CNTNAP5: variants seen among roughly 807,000 people sequenced by gnomAD.
CNTNAP5 encodes contactin associated protein family member 5, also known as contactin-associated protein-like 5.
A neutral mutation model predicts 150.2 loss-of-function variants in CNTNAP5; 72 were observed. That is an observed-to-expected ratio of 0.48 (90% CI 0.40 to 0.58). The LOEUF is 0.58. Among genes scored for constraint, CNTNAP5 ranks in the 20% least tolerant of loss-of-function variants. The probability of loss-of-function intolerance (pLI) is 0.00; values close to 1 mark genes in which losing one functional copy is unlikely to be tolerated. For missense variants in CNTNAP5, 1,636 were observed against 1,626.2 expected (o/e 1.01, Z -0.10); for synonymous variants, 672 against 619.8 (o/e 1.08, Z -1.25).
chr2:124,313,319 A>G, intron 3 of CNTNAP5, among the ~76,000 whole-genome samples: 1 of 152,180 alleles, frequency 6.6e-6, no homozygotes, highest in South Asian at 2.1e-4. Context: ...CAATCATTAA[A>G]TGTATTTGTA....
intron 19 of CNTNAP5, among the ~76,000 whole-genome samples, chr2:124,828,262 A>T (rs144811724): frequency 0.013 from 1,913 of 152,266 alleles, 44 homozygotes; most frequent in African/African-American, 0.043. Context: ...CGGGCGGATC[A>T]CGAGGTCAGG....
chr2:124,264,821 C>T (rs1687563318), intron 3 of CNTNAP5, among the ~76,000 whole-genome samples: 1 of 152,216 alleles, frequency 6.6e-6, no homozygotes, highest in Non-Finnish European at 1.5e-5. Flanking sequence ...CTTCATTGGA[C>T]TGGAATGCTC....
intron 17 of CNTNAP5, among the ~76,000 whole-genome samples, chr2:124,781,509 A>T (rs765576531): frequency 1.2e-4 from 19 of 152,136 alleles, no homozygotes; most frequent in African/African-American, 4.6e-4. Context: ...TTGTGTGCCC[A>T]CTCAGTGTGT....
chr2:124,468,871 C>A (rs1246792463), intron 6 of CNTNAP5, among the ~76,000 whole-genome samples: 1 of 152,198 alleles, frequency 6.6e-6, no homozygotes, highest in African/African-American at 2.4e-5. Context: ...CCCCTCTAGC[C>A]TTTCTGCGTT....
intron 1 of CNTNAP5, among the ~76,000 whole-genome samples, chr2:124,078,102 A>T (rs994105506): frequency 5.3e-5 from 8 of 152,212 alleles, no homozygotes; most frequent in African/African-American, 1.9e-4. Flanking sequence ...GCCAAGCAAA[A>T]CCTCAGATTC....
chr2:124,155,517 T>C (rs943153818), intron 1 of CNTNAP5, among the ~76,000 whole-genome samples: 3 of 152,022 alleles, frequency 2.0e-5, no homozygotes, highest in Non-Finnish European at 1.5e-5. Flanking sequence ...TGACTTAAAG[T>C]AAACCTGCTT....
At chr2:124,377,798 C>G (rs1425452847) in intron 3 of CNTNAP5, among the ~76,000 whole-genome samples, 1 of 150,994 alleles carries the variant, frequency 6.6e-6, no homozygotes, top group South Asian at 2.1e-4. Flanking sequence ...GAATGTCGTA[C>G]CTAAAAATTA....
intron 19 of CNTNAP5, among the ~76,000 whole-genome samples, chr2:124,816,632 C>T (rs1055058486): frequency 1.3e-5 from 2 of 151,870 alleles, no homozygotes; most frequent in African/African-American, 4.8e-5. Flanking sequence ...TGCCCACTGC[C>T]ACACCTGGCT....
At chr2:124,364,302 T>A (rs1406619356) in intron 3 of CNTNAP5, among the ~76,000 whole-genome samples, 1 of 152,284 alleles carries the variant, frequency 6.6e-6, no homozygotes. Flanking sequence ...CTTTACTCCT[T>A]TAACCCCCCT....
chr2:124,807,751 C>A (rs993336813), intron 19 of CNTNAP5, among the ~76,000 whole-genome samples: 1 of 152,166 alleles, frequency 6.6e-6, no homozygotes, highest in Non-Finnish European at 1.5e-5. Context: ...CTTGCTCAAG[C>A]CCCCATCCAG....
At chr2:124,865,645 T>A (rs937828196) in intron 20 of CNTNAP5, among the ~76,000 whole-genome samples, 1 of 152,184 alleles carries the variant, frequency 6.6e-6, no homozygotes, top group Non-Finnish European at 1.5e-5. Flanking sequence ...TGGGACCCTG[T>A]TAGAAATGCA....
intron 13 of CNTNAP5, among the ~76,000 whole-genome samples, chr2:124,707,539 C>G (rs1326809836): frequency 6.8e-6 from 1 of 147,092 alleles, no homozygotes; most frequent in African/African-American, 2.4e-5. Flanking sequence ...CATACTCCAC[C>G]CATCGCATCA....
At chr2:124,282,638 G>A (rs1487594787) in intron 3 of CNTNAP5, among the ~76,000 whole-genome samples, 1 of 148,102 alleles carries the variant, frequency 6.8e-6, no homozygotes, top group Non-Finnish European at 1.5e-5. Flanking sequence ...TTTTTTGCAT[G>A]AATGTTTCCA....
intron 23 of CNTNAP5, among the ~76,000 whole-genome samples, chr2:124,911,939 A>C (rs1170423485): frequency 2.0e-5 from 3 of 152,098 alleles, no homozygotes; most frequent in East Asian, 3.9e-4. Flanking sequence ...AGTCCTGTGG[A>C]GTATTCCCCA....
chr2:124,400,953 C>A lies in CNTNAP5; in HGVS notation c.382-16490C>A, dbSNP rs147423068. On this transcript the variant is annotated intron_variant, in intron 3 of 23. Coordinates refer to ENST00000682447, the MANE Select transcript of CNTNAP5 (RefSeq NM_001367498.1). ...GTTGCATGATCTTGGCTCACTGCAA[C>A]CTCCGCCTCCCGGGTTCAAGCGATT... Among the ~76,000 whole-genome samples, 344 of 152,128 alleles carry A rather than the reference C, an allele frequency of 2.3e-3. 4 individuals carry two copies. The highest frequency in any genetic ancestry group is 0.02 in the Admixed American group (309 of 15,276).
intron 3 of CNTNAP5, among the ~76,000 whole-genome samples, chr2:124,311,278 G>T (rs986560924): frequency 6.6e-6 from 1 of 152,114 alleles, no homozygotes; most frequent in Non-Finnish European, 1.5e-5. Flanking sequence ...TTACAATTCT[G>T]GAAGCTGGAA....
At chr2:124,145,812 T>TAAAAAAAAAAAAAAAAATAA in intron 1 of CNTNAP5, among the ~76,000 whole-genome samples, 1 of 64,196 alleles carries the variant, frequency 1.6e-5, no homozygotes, top group Non-Finnish European at 2.6e-5. Context: ...AAAAAAACAT[T>TAAAAAAAAAAAAAAAAATAA]AAAAAAAAAA....
At chr2:124,655,943 GAGAGAAAGAAAGAA>G (rs1451934112) in intron 13 of CNTNAP5, among the ~76,000 whole-genome samples, 6 of 100,982 alleles carry the variant, frequency 5.9e-5, no homozygotes, top group Admixed American at 2.1e-4. Flanking sequence ...GAGAGAGAGA[GAGAGAAAGAAAGAA>G]AGAAAGAAAG....
rs746429467 is a variant in CNTNAP5, at chr2:124,914,271, C to T, written c.3907C>T (p.Arg1303Trp). ...GCAAAACACAGTGAGCGAGTGTAAACGGGAATATTTCATCTGAGAAACTGC... is the reference window on the plus strand; with the variant it reads ...GCAAAACACAGTGAGCGAGTGTAAATGGGAATATTTCATCTGAGAAACTGC... ...DLQNTVSECK[R>W]EYFI Residue 1303 changes from arginine (R) to tryptophan (W), a missense_variant, in exon 24 of 24, where the codon CGG becomes TGG. Transcript: ENST00000682447. 30 of 1,610,946 alleles carry T rather than the reference C, an allele frequency of 1.9e-5. No individual in the cohort carries two copies. Among genetic ancestry groups the T allele is most frequent in the Middle Eastern group, 1.6e-4 (1 of 6,064 alleles).
Sources: allele counts gnomAD v4.1 joint callset (sites outside exome capture counted in the v4.1 genomes callset), GRCh38; gene constraint gnomAD v4.1.1; transcripts MANE v1.5; gene names NCBI Gene and HGNC (gene_info 2026-07-23, HGNC 2026-07-21).